Variants in NCL observed in about 807,000 individuals in gnomAD.
The protein encoded by NCL is nucleolin multifunctional protein.
Under a neutral mutation model 77.7 loss-of-function variants are expected in NCL, and 4 were observed. The observed-to-expected ratio is 0.05, with a 90% confidence interval of 0.03 to 0.12. The LOEUF is 0.12. Ranked by LOEUF, NCL falls within the 10% of genes least tolerant of loss-of-function variation. The pLI is 1.00. For synonymous variants in NCL, 344 were observed against 297.8 expected, an observed-to-expected ratio of 1.16 and a Z score of -1.60; for missense variants, 763 against 860.9, an observed-to-expected ratio of 0.89 and a Z score of 1.42.
In NCL at chr2:231,456,143, A is replaced by AG. The variant is rs2046885527; in HGVS notation, c.1706-8dup. On this transcript the variant is annotated splice_region_variant and splice_polypyrimidine_tract_variant and intron_variant, in intron 11 of 13. Coordinates refer to ENST00000322723, the MANE Select transcript of NCL (RefSeq NM_005381.3). Reference sequence around the variant, plus strand: ...AACAGAGTTTTGGATGGCTCTGGGAAGGAAAAAAAAATGTGACTTTATGTG... The same window carrying AG: ...AACAGAGTTTTGGATGGCTCTGGGAAGGGAAAAAAAAATGTGACTTTATGTG... The AG allele has an allele frequency of 6.3e-7, 1 of 1,597,522 alleles. No individual in the cohort carries two copies. Among genetic ancestry groups the AG allele is most frequent in the Non-Finnish European group, 8.5e-7 (1 of 1,173,182 alleles).
intron 11 of NCL, 91 bp downstream of exon 11, chr2:231,456,540 T>C: frequency 6.4e-7 from 1 of 1,561,514 alleles, no homozygotes; most frequent in Non-Finnish European, 8.8e-7. Flanking sequence ...GTTCACTCAG[T>C]AGCAACAGGA....
chr2:231,458,222 A>G, intron 8 of NCL, 44 bp downstream of exon 8: 1 of 1,590,574 alleles, frequency 6.3e-7, no homozygotes, highest in Non-Finnish European at 8.6e-7. Context: ...AGGAAAGTGC[A>G]TTAATGTTAA....
At chr2:231,463,506 T>C (rs2046971343) in intron 1 of NCL, 190 bp from the exon 2 acceptor site, 2 of 587,432 alleles carry the variant, frequency 3.4e-6, no homozygotes, top group Admixed American at 3.4e-5. Flanking sequence ...CGCCCACATT[T>C]TTCCTCCCAG....
rs1284478030 is a variant in NCL at position 231,463,954 on chromosome 2, T to C, written c.18+382A>G. ...CCCGGCCCAAGGCACCCGGTCCCTCTGGAGATTCCAGGACCCACGCGGCGC... is the reference window on the plus strand; with the variant it reads ...CCCGGCCCAAGGCACCCGGTCCCTCCGGAGATTCCAGGACCCACGCGGCGC... On this transcript the variant is annotated intron_variant, in intron 1 of 13. Coordinates refer to ENST00000322723, the MANE Select transcript of NCL (RefSeq NM_005381.3). 7 of 291,842 alleles carry C rather than the reference T, an allele frequency of 2.4e-5. No homozygotes were observed. The East Asian group carries it at 3.2e-4, about 13-fold the overall frequency. 18.1% of individuals were successfully genotyped at this position (291,842 alleles called of 1,614,324 possible). A position where few individuals can be genotyped will look rare whatever the true frequency, so the allele number is the denominator to read the frequency against.
chr2:231,458,553 A>G (rs1293036820), intron 7 of NCL, 164 bp from the exon 8 acceptor site: 6 of 869,626 alleles, frequency 6.9e-6, no homozygotes, highest in African/African-American at 1.7e-5. Flanking sequence ...CAGTGTCAAC[A>G]CACAAGTGGT....
rs1303925285 is a variant in NCL, at chr2:231,455,067, A to G, written c.*124T>C. On this transcript the variant is annotated 3_prime_UTR_variant, in exon 14 of 14. Coordinates refer to ENST00000322723, the MANE Select transcript of NCL (RefSeq NM_005381.3). ...GAAATGTTAACTAGACGGATTTCCA[A>G]GGAGACCACAGGACTGTATACTGTC... The G allele has an allele frequency of 2.9e-6, 3 of 1,031,928 alleles. No individual in the cohort carries two copies. Among genetic ancestry groups the G allele is most frequent in the Non-Finnish European group, 4.4e-6 (3 of 687,286 alleles). 63.9% of individuals were successfully genotyped at this position (1,031,928 alleles called of 1,614,324 possible).
At chr2:231,455,346 G>A in intron 13 of NCL, 55 bp downstream of exon 13, 1 of 1,613,114 alleles carries the variant, frequency 6.2e-7, no homozygotes, top group Non-Finnish European at 8.5e-7. Flanking sequence ...CCGTGACAGG[G>A]CACAGGGTCT....
chr2:231,460,328 G>A (rs56310279), intron 5 of NCL, 35 bp from the exon 6 acceptor site: 2 of 1,614,034 alleles, frequency 1.2e-6, no homozygotes, highest in African/African-American at 2.7e-5. Flanking sequence ...TCTACTTGTA[G>A]TGTGGTAAAA....
chr2:231,464,094 C>T lies in NCL; in HGVS notation c.18+242G>A. The T allele has an allele frequency of 2.2e-6, 3 of 1,359,422 alleles. No individual in the cohort carries two copies. In the South Asian group the frequency reaches 4.8e-5, roughly 22 times the overall value. 84.2% of individuals were successfully genotyped at this position (1,359,422 alleles called of 1,614,324 possible). ...CACCCCGAGGCCCAGCGCCCCCTCC[C>T]CGCGCTCAGTGACTCTGTCTTTCCC... is the stretch of plus-strand genomic sequence containing the variant. On this transcript the variant is annotated intron_variant, in intron 1 of 13. Transcript: ENST00000322723.
intron 13 of NCL, 47 bp downstream of exon 13, chr2:231,455,354 T>A (rs959755763): frequency 1.9e-6 from 3 of 1,613,302 alleles, no homozygotes; most frequent in Non-Finnish European, 1.7e-6. Context: ...GGGCACAGGG[T>A]CTGAAGAGCA....
intron 11 of NCL, 67 bp from the exon 12 acceptor site, chr2:231,456,203 C>G: frequency 6.3e-7 from 1 of 1,585,832 alleles, no homozygotes; most frequent in South Asian, 1.1e-5. Flanking sequence ...TTGCACAATG[C>G]CTAGTATGAC....
At chr2:231,458,791 T>C (rs1054924656) in intron 7 of NCL, 6 of 505,544 alleles carry the variant, frequency 1.2e-5, no homozygotes, top group Admixed American at 4.1e-5. Flanking sequence ...CTTGCTTGCC[T>C]AACTCAGGAA....
chr2:231,463,338 C>G (rs931153244), intron 1 of NCL, 22 bp from the exon 2 acceptor site: 2 of 1,439,288 alleles, frequency 1.4e-6, no homozygotes, highest in East Asian at 2.3e-5. Flanking sequence ...ACAAATAGAT[C>G]ATTACACCTC....
chr2:231,456,573 TAAAC>T (rs561814067), intron 11 of NCL, 54 bp downstream of exon 11: 516 of 1,609,168 alleles, frequency 3.2e-4, no homozygotes, highest in African/African-American at 2.6e-3. Flanking sequence ...GTGCAAAAAA[TAAAC>T]AAAGCACCGA....
Position 231,461,924 on chromosome 2 carries a change from G to A in NCL, c.229C>T (p.Pro77Ser). ...SPTKKVAVAT[P>S]AKKAAVTPGK... Reference sequence around the variant, plus strand: ...GGAGTGACAGCTGCTTTCTTGGCTGGTGTGGCAACTGCAACCTTTTTTGTT... The same window carrying A: ...GGAGTGACAGCTGCTTTCTTGGCTGATGTGGCAACTGCAACCTTTTTTGTT... The change falls in exon 3 of 14, where the codon CCA becomes TCA. Residue 77 changes from proline (P) to serine (S), a missense_variant. This residue lies in a region of NCL where 590 missense variants were observed against 570.5 expected (regional missense o/e 1.03). Transcript: ENST00000322723. 6.2e-7 allele frequency: 1 copy of A among 1,614,204 alleles called. No homozygotes were observed. Among genetic ancestry groups the A allele is most frequent in the Non-Finnish European group, 8.5e-7 (1 of 1,180,030 alleles).
intron 9 of NCL, 29 bp from the exon 10 acceptor site, chr2:231,457,153 ACT>A (rs777313084): frequency 6.2e-7 from 1 of 1,612,278 alleles, no homozygotes; most frequent in South Asian, 1.1e-5. Context: ...CATTCCTAAG[ACT>A]CTGAAACAGT....
In NCL at chr2:231,454,846, C is replaced by CAAAAAAAAAAAAAAAAAAAAAAA. The variant is rs201409564; in HGVS notation, c.*344_*345insTTTTTTTTTTTTTTTTTTTTTTT. ...CTTTTCTTTTACAACCCCACGAACG[C>CAAAAAAAAAAAAAAAAAAAAAAA]AAAAAAAAAAAAAACAAAAACAAAA... On this transcript the variant is annotated 3_prime_UTR_variant, in exon 14 of 14. Transcript: ENST00000322723. 3 of 97,174 alleles carry CAAAAAAAAAAAAAAAAAAAAAAA rather than the reference C, an allele frequency of 3.1e-5. No individual in the cohort carries two copies. The highest frequency in any genetic ancestry group is 6.7e-5 in the Non-Finnish European group (3 of 44,684). 6.0% of individuals were successfully genotyped at this position (97,174 alleles called of 1,614,324 possible).
intron 2 of NCL, chr2:231,462,418 T>C (rs1474923462): frequency 1.0e-5 from 4 of 393,678 alleles, no homozygotes; most frequent in Non-Finnish European, 1.5e-5. Flanking sequence ...TATTAAATCA[T>C]TTGGGGCTCC....
At chr2:231,461,077 G>A (rs755161420) in intron 3 of NCL, among the ~76,000 whole-genome samples, 2 of 152,020 alleles carry the variant, frequency 1.3e-5, no homozygotes, top group Non-Finnish European at 2.9e-5. Flanking sequence ...TCAAAAGTTC[G>A]AGACCAGCCT....
Sources: allele counts gnomAD v4.1 joint callset (sites outside exome capture counted in the v4.1 genomes callset), GRCh38; gene constraint gnomAD v4.1.1; regional missense constraint gnomAD v4.1.1; transcripts MANE v1.5; gene names NCBI Gene and HGNC (gene_info 2026-07-23, HGNC 2026-07-21).